Variants in NTRK2 observed in about 807,000 individuals in gnomAD.
NTRK2 encodes BDNF/NT-3 growth factors receptor.
NTRK2 carries 13 observed loss-of-function variants against 94.5 expected under a neutral mutation model. That is an observed-to-expected ratio of 0.14 (90% CI 0.09 to 0.22). The LOEUF (loss-of-function observed/expected upper bound fraction) is 0.22, where lower values mean the gene tolerates loss of function less well. Among genes scored for constraint, NTRK2 ranks in the 10% least tolerant of loss-of-function variants. The pLI, the probability that NTRK2 is intolerant of heterozygous loss-of-function variation, is 1.00. For missense variants in NTRK2, 639 were observed against 1,071.2 expected (o/e 0.60, Z 5.63); for synonymous variants, 372 against 407.4 (o/e 0.91, Z 1.05).
At chr9:84,912,213 C>T (rs1305678243) in intron 14 of NTRK2, among the ~76,000 whole-genome samples, 1 of 152,098 alleles carries the variant, frequency 6.6e-6, no homozygotes, top group Admixed American at 6.6e-5. Context: ...AAAAAATGTG[C>T]ATTCTGCTGT....
chr9:84,853,953 G>A (rs2131912497), intron 12 of NTRK2, among the ~76,000 whole-genome samples: 1 of 152,214 alleles, frequency 6.6e-6, no homozygotes, highest in East Asian at 1.9e-4. Flanking sequence ...GGTGGCACAT[G>A]CCTGTAGTCC....
At chr9:84,877,263 G>C in intron 14 of NTRK2, 1 of 1,065,862 alleles carries the variant, frequency 9.4e-7, no homozygotes, top group African/African-American at 1.6e-5. Context: ...AGTTCTCTTT[G>C]AGGATTCATG....
intron 12 of NTRK2, among the ~76,000 whole-genome samples, chr9:84,784,441 G>C (rs141354251): frequency 6.6e-6 from 1 of 152,256 alleles, no homozygotes; most frequent in Non-Finnish European, 1.5e-5. Flanking sequence ...TGGACAATGG[G>C]AATGGTACTC....
chr9:84,927,718 T>G (rs1055110355), intron 14 of NTRK2, among the ~76,000 whole-genome samples: 1 of 152,140 alleles, frequency 6.6e-6, no homozygotes, highest in African/African-American at 2.4e-5. Context: ...CCTCTTTGTT[T>G]CCTTAGTTTG....
chr9:85,003,016 GC>G (rs1830494459), intron 17 of NTRK2, among the ~76,000 whole-genome samples: 1 of 152,186 alleles, frequency 6.6e-6, no homozygotes, highest in African/African-American at 2.4e-5. Context: ...TGGTGAATCA[GC>G]CCCGAGAGAG....
At chr9:84,706,470 G>A (rs2061069988) in intron 4 of NTRK2, among the ~76,000 whole-genome samples, 1 of 151,426 alleles carries the variant, frequency 6.6e-6, no homozygotes, top group African/African-American at 2.4e-5. Context: ...GTAGCCTCAG[G>A]TGAGGGGCCA....
chr9:84,681,859 T>C (rs2059411904), intron 2 of NTRK2, among the ~76,000 whole-genome samples: 2 of 152,176 alleles, frequency 1.3e-5, no homozygotes, highest in African/African-American at 2.4e-5. Flanking sequence ...ATTGTCACTA[T>C]ATTGCTATAT....
At chr9:84,936,156 G>T (rs908160209) in intron 15 of NTRK2, among the ~76,000 whole-genome samples, 2 of 152,166 alleles carry the variant, frequency 1.3e-5, no homozygotes, top group African/African-American at 4.8e-5. Context: ...AAATAGCTAA[G>T]AAACCTCAGG....
rs1388148997 is a variant in NTRK2, at chr9:84,926,104, CCTTT to C, written c.1634-8056_1634-8053del. On this transcript the variant is annotated intron_variant, in intron 14 of 18. Transcript: ENST00000277120. ...CTTTCCCTTCCTTCCTTCCTTCCTT[CCTTT>C]CCTTCCTTCCTTCCTTCCTTCCTTC... is the stretch of plus-strand genomic sequence containing the variant. Among the ~76,000 whole-genome samples, 560 of 138,978 alleles carry C rather than the reference CCTTT, an allele frequency of 4.0e-3. 10 individuals carry two copies. Among genetic ancestry groups the C allele is most frequent in the African/African-American group, 0.015 (518 of 33,676 alleles). 91.2% of individuals were successfully genotyped at this position (138,978 alleles called of 152,430 possible).
At chr9:84,808,185 C>G (rs981723611) in intron 12 of NTRK2, among the ~76,000 whole-genome samples, 1 of 152,116 alleles carries the variant, frequency 6.6e-6, no homozygotes, top group African/African-American at 2.4e-5. Flanking sequence ...TGGCAATGGT[C>G]CAGTAGAACC....
At chr9:84,914,265 T>G (rs188533552) in intron 14 of NTRK2, among the ~76,000 whole-genome samples, 1 of 152,216 alleles carries the variant, frequency 6.6e-6, no homozygotes, top group African/African-American at 2.4e-5. Flanking sequence ...TTGAAGCATT[T>G]TCATGATGAC....
chr9:84,713,444 TATC>T (rs1451786781), intron 6 of NTRK2, among the ~76,000 whole-genome samples: 1 of 152,232 alleles, frequency 6.6e-6, no homozygotes, highest in African/African-American at 2.4e-5. Flanking sequence ...CTCAGTTTGT[TATC>T]ATCTGGGATT....
chr9:84,900,797 G>GATTC (rs557929220), intron 14 of NTRK2, among the ~76,000 whole-genome samples: 38 of 152,228 alleles, frequency 2.5e-4, no homozygotes, highest in African/African-American at 8.9e-4. Context: ...TCATTGTATC[G>GATTC]ATTCATTTAA....
intron 16 of NTRK2, among the ~76,000 whole-genome samples, chr9:84,949,300 G>T (rs980435783): frequency 1.3e-5 from 2 of 152,182 alleles, no homozygotes; most frequent in South Asian, 2.1e-4. Flanking sequence ...AAGATGGACA[G>T]CTTCAACTGA....
chr9:84,955,546 A>C (rs764661800), intron 17 of NTRK2, 29 bp downstream of exon 17: 1 of 1,577,358 alleles, frequency 6.3e-7, no homozygotes, highest in East Asian at 2.2e-5. Context: ...CAGAGACCCC[A>C]GGGACCTCTT....
chr9:84,888,619 A>AG (rs2076492419), intron 14 of NTRK2, among the ~76,000 whole-genome samples: 1 of 77,924 alleles, frequency 1.3e-5, no homozygotes, highest in Non-Finnish European at 3.0e-5. Flanking sequence ...CTCAAAAAAA[A>AG]AAAAAAAAAA....
chr9:84,694,080 G>A (rs750512698), intron 2 of NTRK2, among the ~76,000 whole-genome samples: 9 of 152,158 alleles, frequency 5.9e-5, no homozygotes, highest in Non-Finnish European at 7.3e-5. Context: ...ATTATTTATC[G>A]TGAAGGTGCT....
intron 15 of NTRK2, among the ~76,000 whole-genome samples, chr9:84,940,927 C>T (rs1195798622): frequency 6.6e-6 from 1 of 152,112 alleles, no homozygotes; most frequent in African/African-American, 2.4e-5. Context: ...CTTCCGGTGC[C>T]TCCTTCCCAT....
chr9:84,711,626 C>A (rs1032555569), intron 6 of NTRK2, among the ~76,000 whole-genome samples: 15 of 152,178 alleles, frequency 9.9e-5, no homozygotes, highest in African/African-American at 3.6e-4. Context: ...AGCAGAAAGC[C>A]ATGTAGCACC....
Sources: gnomAD v4.1 joint callset for allele counts (sites outside exome capture counted in the v4.1 genomes callset) on GRCh38, gnomAD v4.1.1 for gene constraint, MANE v1.5 for transcripts, NCBI Gene and HGNC (gene_info 2026-07-23, HGNC 2026-07-21) for gene names.